Variants in CPEB1 observed in about 807,000 individuals in gnomAD.
The protein encoded by CPEB1 is cytoplasmic polyadenylation element binding protein 1.
CPEB1 carries 7 observed loss-of-function variants against 65.8 expected under a neutral mutation model. The ratio of observed to expected loss-of-function variants is 0.11; its 90% confidence interval spans 0.06 to 0.20. The LOEUF (loss-of-function observed/expected upper bound fraction) is 0.20. CPEB1 is among the 10% of genes least tolerant of loss of function. The probability of loss-of-function intolerance (pLI) is 1.00; values close to 1 mark genes in which losing one functional copy is unlikely to be tolerated. For missense variants in CPEB1, 551 were observed against 712.2 expected (o/e 0.77, Z 2.58); for synonymous variants, 262 against 260.0 (o/e 1.01, Z -0.08).
chr15:82,591,842 C>CT lies in CPEB1; in HGVS notation c.272-20311dup, dbSNP rs771971142. The stretch of plus-strand genomic sequence containing the variant: ...ATCATTGTTTTAGTTTGTATCAGAA[C>CT]TTTTTTTTTTTTTTTTTTAAGACAG... On this transcript the variant is annotated intron_variant, in intron 3 of 12. Coordinates refer to ENST00000684509, the MANE Select transcript of CPEB1 (RefSeq NM_001365242.1). Among the ~76,000 whole-genome samples the CT allele has an allele frequency of 4.5e-3, 597 of 134,132 alleles. 1 individual carries two copies. The highest frequency in any genetic ancestry group is 0.016 in the Middle Eastern group (4 of 254). 88.0% of individuals were successfully genotyped at this position (134,132 alleles called of 152,430 possible). A position where few individuals can be genotyped will look rare whatever the true frequency, so the allele number is the denominator to read the frequency against.
rs1179877528 is a variant in CPEB1, at chr15:82,628,461, T to C, written c.-2A>G. The C allele has an allele frequency of 1.8e-5, 13 of 702,816 alleles. No homozygotes were observed. The highest frequency in any genetic ancestry group is 5.4e-5 in the East Asian group (2 of 37,296). 43.5% of individuals were successfully genotyped at this position (702,816 alleles called of 1,614,324 possible). On this transcript the variant is annotated 5_prime_UTR_variant, in exon 2 of 13. Transcript: ENST00000684509. The stretch of plus-strand genomic sequence containing the variant: ...TGAAGTAGCAATGCCAGAAAACATA[T>C]TGACATTAGATGATCTGGCAAAAGG...
At chr15:82,598,992 A>C (rs1378345904) in intron 3 of CPEB1, among the ~76,000 whole-genome samples, 1 of 152,176 alleles carries the variant, frequency 6.6e-6, no homozygotes, top group East Asian at 1.9e-4. Context: ...TGAGGAAATG[A>C]AGGATAATAA....
intron 4 of CPEB1, among the ~76,000 whole-genome samples, chr15:82,568,524 C>G (rs2039517893): frequency 6.6e-6 from 1 of 152,220 alleles, no homozygotes; most frequent in East Asian, 1.9e-4. Context: ...CAAGCCCATG[C>G]AGGCCTTGCA....
chr15:82,641,200 T>C (rs2047080908), intron 1 of CPEB1, among the ~76,000 whole-genome samples: 1 of 152,050 alleles, frequency 6.6e-6, no homozygotes, highest in African/African-American at 2.4e-5. Flanking sequence ...CTAACACCTT[T>C]TGAGCTTCAC....
chr15:82,559,689 A>G (rs1437987048), intron 4 of CPEB1, among the ~76,000 whole-genome samples: 1 of 152,204 alleles, frequency 6.6e-6, no homozygotes. Flanking sequence ...TTGCCTTTTG[A>G]AGCAGTTTTC....
At chr15:82,552,404 T>G in intron 9 of CPEB1, 76 bp downstream of exon 9, 1 of 1,432,444 alleles carries the variant, frequency 7.0e-7, no homozygotes, top group Non-Finnish European at 9.3e-7. Flanking sequence ...AGCCTGCCTA[T>G]CCACCTACCA....
intron 1 of CPEB1, among the ~76,000 whole-genome samples, chr15:82,642,949 A>G (rs780155233): frequency 6.6e-6 from 1 of 152,332 alleles, no homozygotes; most frequent in South Asian, 2.1e-4. Flanking sequence ...TAATACTCTA[A>G]TTTTCCCTTA....
chr15:82,639,696 C>T (rs1448702270), intron 1 of CPEB1, among the ~76,000 whole-genome samples: 1 of 152,068 alleles, frequency 6.6e-6, no homozygotes, highest in African/African-American at 2.4e-5. Context: ...TTTGAGTTCC[C>T]ACCATTCCCA....
At chr15:82,617,221 T>C (rs1052507851) in intron 3 of CPEB1, among the ~76,000 whole-genome samples, 2 of 152,246 alleles carry the variant, frequency 1.3e-5, no homozygotes, top group Admixed American at 6.5e-5. Context: ...AATTCATCCA[T>C]GTTGTAGTAG....
chr15:82,634,723 A>T (rs1434057151), intron 1 of CPEB1, among the ~76,000 whole-genome samples: 1 of 151,796 alleles, frequency 6.6e-6, no homozygotes, highest in Non-Finnish European at 1.5e-5. Flanking sequence ...TCCTCCATTT[A>T]ATCAGATGGT....
chr15:82,621,319 TAA>T (rs72147191), intron 3 of CPEB1, among the ~76,000 whole-genome samples: 62,006 of 145,664 alleles, frequency 0.43, 12,907 homozygotes, highest in South Asian at 0.49. Context: ...CCATGTCTCT[TAA>T]AAAAAAAAAA....
intron 3 of CPEB1, among the ~76,000 whole-genome samples, chr15:82,572,474 T>C (rs766577367): frequency 1.4e-4 from 21 of 152,094 alleles, no homozygotes; most frequent in Non-Finnish European, 2.2e-4. Flanking sequence ...GAGTGAGACC[T>C]GCCCTGACTA....
At chr15:82,566,438 G>A (rs535644966) in intron 4 of CPEB1, among the ~76,000 whole-genome samples, 4 of 152,146 alleles carry the variant, frequency 2.6e-5, no homozygotes, top group East Asian at 1.9e-4. Flanking sequence ...GGAATAGGAA[G>A]GGGGGAGAGT....
At chr15:82,580,864 T>G (rs1351751246) in intron 3 of CPEB1, among the ~76,000 whole-genome samples, 1 of 151,980 alleles carries the variant, frequency 6.6e-6, no homozygotes, top group Non-Finnish European at 1.5e-5. Context: ...TTTTTTTTCT[T>G]TTTTTGAGAC....
intron 10 of CPEB1, among the ~76,000 whole-genome samples, chr15:82,548,111 C>T (rs970250260): frequency 3.9e-5 from 6 of 152,152 alleles, no homozygotes; most frequent in East Asian, 1.9e-4. Context: ...CCAAGGTGGG[C>T]GGATCATGAG....
At chr15:82,648,005 G>C (rs587677946), upstream of CPEB1, 4 of 663,884 alleles carry the variant, frequency 6.0e-6, no homozygotes, top group Non-Finnish European at 6.3e-6. Flanking sequence ...AAGCTCCTAC[G>C]AGCCGCTCCT....
intron 3 of CPEB1, among the ~76,000 whole-genome samples, chr15:82,620,156 C>A (rs1420893125): frequency 6.6e-6 from 1 of 152,184 alleles, no homozygotes; most frequent in Non-Finnish European, 1.5e-5. Flanking sequence ...CCCCTATAAT[C>A]TCAGCACTTT....
At chr15:82,628,101 A>G (rs995409240) in intron 2 of CPEB1, 5 of 664,448 alleles carry the variant, frequency 7.5e-6, no homozygotes. Context: ...GAGAACCCCA[A>G]TAGAGAGAAG....
chr15:82,571,619 T>G, intron 3 of CPEB1, 87 bp from the exon 4 acceptor site: 2 of 1,501,380 alleles, frequency 1.3e-6, no homozygotes, highest in South Asian at 2.8e-5. Context: ...TTAATAATAG[T>G]TTCCCCAGGC....
Sources: gnomAD v4.1 joint callset for allele counts (sites outside exome capture counted in the v4.1 genomes callset) on GRCh38, gnomAD v4.1.1 for gene constraint, MANE v1.5 for transcripts, NCBI Gene and HGNC (gene_info 2026-07-23, HGNC 2026-07-21) for gene names.